The following NPHS2 variants were observed in gnomAD, a reference collection of about 807,000 sequenced individuals.
NPHS2 encodes podocin.
NPHS2 carries 36 observed loss-of-function variants against 37.1 expected under a neutral mutation model. The observed-to-expected ratio is 0.97, with a 90% CI of 0.74 to 1.28. The LOEUF is 1.28. Among genes scored for constraint, NPHS2 ranks in the 50% most tolerant of loss-of-function variants. NPHS2 has a pLI of 0.00. For missense variants in NPHS2, 447 were observed against 488.1 expected (o/e 0.92, Z 0.79); for synonymous variants, 196 against 189.3 (o/e 1.04, Z -0.29).
chr1:179,575,545 T>A, intron 1 of NPHS2, 46 bp downstream of exon 1: 2 of 1,598,512 alleles, frequency 1.3e-6, no homozygotes, highest in Non-Finnish European at 1.7e-6. Flanking sequence ...TGACGCCCCT[T>A]AGTTACCACC....
intron 7 of NPHS2, chr1:179,551,815 G>T (rs764551577): frequency 7.1e-6 from 2 of 279,856 alleles, no homozygotes; most frequent in Admixed American, 4.9e-5. Flanking sequence ...CAGGGAAAGT[G>T]AATGGGTAAA....
At chr1:179,562,396 A>C (rs1223719089) in intron 2 of NPHS2, among the ~76,000 whole-genome samples, 2 of 152,186 alleles carry the variant, frequency 1.3e-5, no homozygotes, top group Non-Finnish European at 2.9e-5. Context: ...ATACGGAATT[A>C]ATCTTTTTTT....
chr1:179,572,137 T>G (rs1435971990), intron 1 of NPHS2, among the ~76,000 whole-genome samples: 3 of 152,224 alleles, frequency 2.0e-5, no homozygotes, highest in Non-Finnish European at 2.9e-5. Flanking sequence ...AGAAATCACC[T>G]GTCTTCTGTG....
chr1:179,553,912 ATT>A (rs11422639), intron 6 of NPHS2, among the ~76,000 whole-genome samples: 17 of 131,830 alleles, frequency 1.3e-4, no homozygotes, highest in Admixed American at 2.3e-4. Context: ...CCCCTGGCTA[ATT>A]TTTTTTTTTT....
chr1:179,553,810 A>G (rs749938075), intron 6 of NPHS2, among the ~76,000 whole-genome samples: 5 of 152,104 alleles, frequency 3.3e-5, no homozygotes, highest in African/African-American at 4.8e-5. Flanking sequence ...GCAATGCACA[A>G]TCTCGACTCA....
chr1:179,570,241 GAC>G (rs1027317515), intron 1 of NPHS2, among the ~76,000 whole-genome samples: 1 of 152,142 alleles, frequency 6.6e-6, no homozygotes, highest in African/African-American at 2.4e-5. Flanking sequence ...GGAATTTAAA[GAC>G]ACACACACAG....
At chr1:179,561,432 A>G (rs1445114271) in intron 2 of NPHS2, 71 bp from the exon 3 acceptor site, 3 of 1,143,452 alleles carry the variant, frequency 2.6e-6, no homozygotes, top group Non-Finnish European at 3.9e-6. Context: ...TGGCATAAGA[A>G]TGATCCTAGA....
intron 6 of NPHS2, 124 bp from the exon 7 acceptor site, chr1:179,552,805 A>C (rs1673510466): frequency 1.3e-6 from 1 of 749,970 alleles, no homozygotes; most frequent in Non-Finnish European, 2.4e-6. Flanking sequence ...GAGTGACCAG[A>C]GTGTGCCATT....
intron 2 of NPHS2, among the ~76,000 whole-genome samples, chr1:179,563,130 GAT>G (rs1674209123): frequency 6.6e-6 from 1 of 152,206 alleles, no homozygotes; most frequent in African/African-American, 2.4e-5. Context: ...AGATGGAAAA[GAT>G]ATACCATATG....
chr1:179,575,595 C>A lies in NPHS2; in HGVS notation c.270G>T (p.Glu90Asp). The change falls in exon 1 of 8, where the codon GAG becomes GAT. Residue 90 changes from glutamate (E) to aspartate (D), a missense_variant. Glu to Asp is a conservative substitution (Grantham distance 45). Transcript: ENST00000367615. ...ATAGTGGTGCTGAATCCGTACCTTC[C>A]TCGGGCCGCTCGCTCTCCAACAGCG... The part of the protein sequence containing the change: ...VVALLESERP[E>D]EGTKSSGLGA... The A allele has an allele frequency of 6.2e-7, 1 of 1,601,536 alleles. No homozygotes were observed. Among genetic ancestry groups the A allele is most frequent in the South Asian group, 1.1e-5 (1 of 91,060 alleles).
At chr1:179,563,428 A>G (rs1336732396) in intron 2 of NPHS2, among the ~76,000 whole-genome samples, 1 of 152,238 alleles carries the variant, frequency 6.6e-6, no homozygotes, top group Non-Finnish European at 1.5e-5. Context: ...CTAGAAAGAC[A>G]TGGAAGACTT....
At position 179,575,575 on chromosome 1, in the gene NPHS2, G is replaced by C; in HGVS notation, c.274+16C>G. ...ACCACCTGGAAAAGTAGCAGATAGT[G>C]GTGCTGAATCCGTACCTTCCTCGGG... On this transcript the variant is annotated intron_variant, in intron 1 of 7. Coordinates refer to ENST00000367615, the MANE Select transcript of NPHS2 (RefSeq NM_014625.4). The C allele has an allele frequency of 6.2e-7, 1 of 1,600,246 alleles. No homozygotes were observed. Among genetic ancestry groups the C allele is most frequent in the Non-Finnish European group, 8.5e-7 (1 of 1,179,856 alleles).
Position 179,559,713 on chromosome 1 carries a change from A to AG in NPHS2, c.499dup (p.Leu167ProfsTer12). On this transcript the variant is annotated frameshift_variant, in exon 4 of 8. Coordinates refer to ENST00000367615, the MANE Select transcript of NPHS2 (RefSeq NM_014625.4). LOFTEE classifies it high-confidence loss of function. Reference sequence around the variant, plus strand: ...AGGTATCTCCAGAGTTTGGAGACGAAGGTCAACCTTGTGGTAGGTATCCAG... The same window carrying AG: ...AGGTATCTCCAGAGTTTGGAGACGAAGGGTCAACCTTGTGGTAGGTATCCAG... 1.3e-6 allele frequency: 2 copies of AG among 1,592,482 alleles called. No homozygotes were observed. Among genetic ancestry groups the AG allele is most frequent in the African/African-American group, 1.3e-5 (1 of 74,514 alleles).
chr1:179,566,881 G>C (rs887950650), intron 1 of NPHS2, among the ~76,000 whole-genome samples: 1 of 152,174 alleles, frequency 6.6e-6, no homozygotes, highest in East Asian at 1.9e-4. Context: ...TTGTAGATGT[G>C]TTGTGTTATT....
intron 1 of NPHS2, among the ~76,000 whole-genome samples, chr1:179,572,464 C>T (rs1265598986): frequency 6.6e-6 from 1 of 152,168 alleles, no homozygotes; most frequent in Non-Finnish European, 1.5e-5. Context: ...GAGAGTCAGT[C>T]TCAAGAACAC....
chr1:179,564,602 T>C (rs1572285928), intron 2 of NPHS2, 88 bp downstream of exon 2: 2 of 1,106,270 alleles, frequency 1.8e-6, no homozygotes, highest in East Asian at 2.4e-5. Flanking sequence ...AGCAATAACA[T>C]GTACCAGAAA....
chr1:179,572,978 G>A (rs1674619629), intron 1 of NPHS2, among the ~76,000 whole-genome samples: 1 of 152,054 alleles, frequency 6.6e-6, no homozygotes. Flanking sequence ...GGGACTACAG[G>A]TGCATGCCAC....
chr1:179,575,790 C>T lies in NPHS2; in HGVS notation c.75G>A (p.Lys25=), dbSNP rs1674745673. ...CGCCGCTCCTCTCGGCCTTTGCCCT[C>T]TTGTTCTCCTTGTGCGGAGTCCTGC... ...RGGRTPHKEN[K]RAKAERSGGG... is the part of the protein sequence containing the mutation. The change falls in exon 1 of 8, where the codon AAG becomes AAA. Residue 25 remains lysine, a synonymous_variant. Coordinates refer to ENST00000367615, the MANE Select transcript of NPHS2 (RefSeq NM_014625.4). The T allele has an allele frequency of 4.0e-6, 6 of 1,491,240 alleles. No individual in the cohort carries two copies. Among genetic ancestry groups the T allele is most frequent in the Non-Finnish European group, 1.8e-6 (2 of 1,125,798 alleles). The allele number at this position is 1,491,240 out of a possible 1,614,324, so 92.4% of individuals were successfully genotyped here.
chr1:179,562,973 C>T (rs1361368434), intron 2 of NPHS2, among the ~76,000 whole-genome samples: 1 of 152,162 alleles, frequency 6.6e-6, no homozygotes, highest in Non-Finnish European at 1.5e-5. Context: ...GAGAGCCTTT[C>T]CCAAAAACCA....
Sources: gnomAD v4.1 joint callset for allele counts (sites outside exome capture counted in the v4.1 genomes callset) on GRCh38, gnomAD v4.1.1 for gene constraint, MANE v1.5 for transcripts, NCBI Gene and HGNC (gene_info 2026-07-23, HGNC 2026-07-21) for gene names.